Variants in PDE10A observed in about 807,000 individuals in gnomAD.
PDE10A encodes the protein cAMP and cAMP-inhibited cGMP 3',5'-cyclic phosphodiesterase 10A.
A neutral mutation model predicts 97.7 loss-of-function variants in PDE10A; 39 were observed. That is an observed-to-expected ratio of 0.40 (90% CI 0.31 to 0.52). The LOEUF is 0.52. Among genes scored for constraint, PDE10A ranks in the 20% least tolerant of loss-of-function variants. The probability of loss-of-function intolerance (pLI) is 0.56; values close to 1 mark genes in which losing one functional copy is unlikely to be tolerated. For missense variants in PDE10A, 731 were observed against 1,047.8 expected (o/e 0.70, Z 4.17); for synonymous variants, 371 against 376.8 (o/e 0.98, Z 0.18).
intron 1 of PDE10A, among the ~76,000 whole-genome samples, chr6:165,887,748 A>T (rs1287630475): frequency 6.6e-6 from 1 of 152,118 alleles, no homozygotes; most frequent in African/African-American, 2.4e-5. Flanking sequence ...CTTTATCTTT[A>T]TTTTACAAGC....
At chr6:165,618,029 T>A (rs935171637) in intron 1 of PDE10A, among the ~76,000 whole-genome samples, 1 of 152,120 alleles carries the variant, frequency 6.6e-6, no homozygotes, top group Non-Finnish European at 1.5e-5. Context: ...AGACTCCATC[T>A]CTAAAAGTTA....
intron 1 of PDE10A, among the ~76,000 whole-genome samples, chr6:165,672,906 C>T (rs1790688071): frequency 2.0e-5 from 3 of 152,158 alleles, no homozygotes; most frequent in African/African-American, 4.8e-5. Flanking sequence ...TAAATTGAAC[C>T]ATCATAAGTT....
intron 2 of PDE10A, among the ~76,000 whole-genome samples, chr6:165,509,113 CTCTT>C (rs1021835103): frequency 5.7e-4 from 87 of 152,020 alleles, no homozygotes; most frequent in African/African-American, 1.9e-3. Flanking sequence ...TCATACTTCA[CTCTT>C]TATTTTTTAT....
intron 1 of PDE10A, among the ~76,000 whole-genome samples, chr6:165,741,626 G>A (rs923279084): frequency 6.6e-6 from 1 of 152,000 alleles, no homozygotes; most frequent in African/African-American, 2.4e-5. Context: ...TCATTTTACA[G>A]CATTTAAAAA....
chr6:165,629,588 C>T (rs1473569187), intron 1 of PDE10A, among the ~76,000 whole-genome samples: 1 of 144,100 alleles, frequency 6.9e-6, no homozygotes, highest in East Asian at 2.0e-4. Flanking sequence ...TGCAGGAGTG[C>T]GATGGTGCCG....
chr6:165,826,561 C>G (rs915981007), intron 1 of PDE10A, among the ~76,000 whole-genome samples: 21 of 152,158 alleles, frequency 1.4e-4, no homozygotes, highest in African/African-American at 5.1e-4. Context: ...CTCTCTCTCC[C>G]ACGCTCCCGC....
intron 1 of PDE10A, among the ~76,000 whole-genome samples, chr6:165,851,225 G>C (rs1043589130): frequency 6.6e-6 from 1 of 152,172 alleles, no homozygotes; most frequent in Non-Finnish European, 1.5e-5. Context: ...TCAGGTTTTG[G>C]ACAAATTTGC....
intron 1 of PDE10A, among the ~76,000 whole-genome samples, chr6:165,718,583 C>A (rs575362954): frequency 1.5e-3 from 221 of 152,212 alleles, no homozygotes; most frequent in Non-Finnish European, 2.7e-3. Flanking sequence ...ATTGCCCCAA[C>A]CTCCCTGCTC....
At chr6:165,918,316 T>G (rs1782662767) in intron 1 of PDE10A, among the ~76,000 whole-genome samples, 2 of 152,292 alleles carry the variant, frequency 1.3e-5, no homozygotes, top group Admixed American at 1.3e-4. Flanking sequence ...TATTTGAAAA[T>G]ATGGGTAATG....
chr6:165,867,820 T>C (rs1781101045), intron 1 of PDE10A, among the ~76,000 whole-genome samples: 1 of 151,994 alleles, frequency 6.6e-6, no homozygotes, highest in Admixed American at 6.6e-5. Flanking sequence ...GAAATAATAT[T>C]AAGTATCTTC....
intron 3 of PDE10A, among the ~76,000 whole-genome samples, chr6:165,473,076 T>C (rs903172984): frequency 6.6e-6 from 1 of 152,128 alleles, no homozygotes; most frequent in South Asian, 2.1e-4. Flanking sequence ...TCTAAATATC[T>C]ACCAATAGAA....
At chr6:165,363,051 A>T (rs1214885584) in intron 18 of PDE10A, among the ~76,000 whole-genome samples, 1 of 152,202 alleles carries the variant, frequency 6.6e-6, no homozygotes, top group African/African-American at 2.4e-5. Flanking sequence ...AACAAATCAG[A>T]ATTAGAAGGA....
At chr6:165,438,976 A>G (rs781417500) in intron 5 of PDE10A, among the ~76,000 whole-genome samples, 2 of 149,540 alleles carry the variant, frequency 1.3e-5, no homozygotes, top group Admixed American at 6.7e-5. Context: ...AAAAAAAAAG[A>G]TATATACTTT....
At chr6:165,589,435 T>A (rs1476365832) in intron 1 of PDE10A, among the ~76,000 whole-genome samples, 1 of 152,256 alleles carries the variant, frequency 6.6e-6, no homozygotes, top group Admixed American at 6.5e-5. Flanking sequence ...AAATGTTTTA[T>A]TTCTTTATTA....
intron 1 of PDE10A, among the ~76,000 whole-genome samples, chr6:165,822,083 A>C (rs1290654084): frequency 6.6e-6 from 1 of 152,200 alleles, no homozygotes; most frequent in African/African-American, 2.4e-5. Context: ...TTAATCTCAC[A>C]CCTACAAACT....
intron 1 of PDE10A, among the ~76,000 whole-genome samples, chr6:165,846,189 T>C (rs1019052040): frequency 1.7e-4 from 26 of 152,184 alleles, no homozygotes; most frequent in African/African-American, 6.0e-4. Flanking sequence ...TTAAAGTAGA[T>C]ACGGTCATTT....
chr6:165,615,220 A>AAAAG (rs1554296011), intron 1 of PDE10A, among the ~76,000 whole-genome samples: 81 of 148,518 alleles, frequency 5.5e-4, no homozygotes, highest in East Asian at 2.0e-3. Flanking sequence ...AGAAAAAAAA[A>AAAAG]AAAGAAAGAA....
At chr6:165,659,636 T>C (rs1000169683) in intron 1 of PDE10A, among the ~76,000 whole-genome samples, 5 of 152,248 alleles carry the variant, frequency 3.3e-5, no homozygotes, top group Non-Finnish European at 7.3e-5. Context: ...TCTAACCTTT[T>C]GCTCCTGTTC....
Position 165,388,598 on chromosome 6 carries a change from G to A in PDE10A, c.2455-145C>T. The A allele has an allele frequency of 2.9e-6, 2 of 685,276 alleles. No individual in the cohort carries two copies. Among genetic ancestry groups the A allele is most frequent in the Non-Finnish European group, 2.5e-6 (1 of 405,224 alleles). The allele number at this position is 685,276 out of a possible 1,614,324, so 42.4% of individuals were successfully genotyped here. A position where few individuals can be genotyped will look rare whatever the true frequency, so the allele number is the denominator to read the frequency against. ...TGGCATAAAGAATCCTATACAAATA[G>A]AGCAAACCCTTAGGAATCTTGGAAA... is the stretch of plus-strand genomic sequence containing the variant. On this transcript the variant is annotated intron_variant, in intron 16 of 21. Coordinates refer to ENST00000539869, the MANE Select transcript of PDE10A (RefSeq NM_001385079.1). This position sits in a 1 kb window ranked among gnomAD's most constrained non-coding sequence, Gnocchi z 4.0.
Sources: gnomAD v4.1 joint callset for allele counts (sites outside exome capture counted in the v4.1 genomes callset) on GRCh38, gnomAD v4.1.1 for gene constraint, Gnocchi (gnomAD v3.1) non-coding constraint, MANE v1.5 for transcripts, NCBI Gene and HGNC (gene_info 2026-07-23, HGNC 2026-07-21) for gene names.